LRP1B: variants seen among roughly 807,000 people sequenced by gnomAD.
The protein encoded by LRP1B is LDL receptor related protein 1B.
LRP1B carries 217 observed loss-of-function variants against 556.6 expected under a neutral mutation model. The observed-to-expected ratio is 0.39, with a 90% CI of 0.35 to 0.44. LRP1B has a LOEUF of 0.44. LRP1B is among the 20% of genes least tolerant of loss of function. The probability of loss-of-function intolerance (pLI) is 1.00; values close to 1 mark genes in which losing one functional copy is unlikely to be tolerated. For missense variants in LRP1B, 5,053 were observed against 5,620.8 expected (o/e 0.90, Z 3.23); for synonymous variants, 2,047 against 1,865.8 (o/e 1.10, Z -2.50).
At chr2:141,095,316 T>C (rs1476925627) in intron 7 of LRP1B, among the ~76,000 whole-genome samples, 1 of 77,098 alleles carries the variant, frequency 1.3e-5, no homozygotes, top group Non-Finnish European at 3.4e-5. Context: ...TTATAAGATG[T>C]CAGCCCTAAA....
chr2:142,021,319 C>CAT (rs1355990659), intron 1 of LRP1B, among the ~76,000 whole-genome samples: 6 of 150,888 alleles, frequency 4.0e-5, no homozygotes, highest in Admixed American at 1.3e-4. Flanking sequence ...TGTGTATGTG[C>CAT]GTGTGTGTGT....
intron 1 of LRP1B, among the ~76,000 whole-genome samples, chr2:141,935,552 A>C (rs1190227934): frequency 6.6e-6 from 1 of 152,206 alleles, no homozygotes; most frequent in Non-Finnish European, 1.5e-5. Flanking sequence ...CATATGAAAT[A>C]TGACAATACA....
At chr2:140,307,486 A>G (rs1394048694) in intron 83 of LRP1B, among the ~76,000 whole-genome samples, 3 of 151,620 alleles carry the variant, frequency 2.0e-5, no homozygotes, top group Non-Finnish European at 4.4e-5. Flanking sequence ...TTTTTTCTTG[A>G]TTTTATACTT....
At chr2:140,483,640 A>ATATATTTTTTT (rs1491228405) in intron 59 of LRP1B, among the ~76,000 whole-genome samples, 1 of 70,748 alleles carries the variant, frequency 1.4e-5, no homozygotes, top group African/African-American at 6.4e-5. Context: ...ATATATATAT[A>ATATATTTTTTT]TTTTTTTTTT....
chr2:141,121,675 C>T (rs1430120277), intron 7 of LRP1B, among the ~76,000 whole-genome samples: 1 of 152,068 alleles, frequency 6.6e-6, no homozygotes, highest in Non-Finnish European at 1.5e-5. Flanking sequence ...CCATACTGCC[C>T]AAGGTAATTT....
chr2:140,376,986 A>G (rs1455885496), intron 68 of LRP1B, among the ~76,000 whole-genome samples: 1 of 152,180 alleles, frequency 6.6e-6, no homozygotes, highest in Non-Finnish European at 1.5e-5. Context: ...GGCATTCATG[A>G]GAGGTGAGTA....
intron 7 of LRP1B, among the ~76,000 whole-genome samples, chr2:141,179,735 T>A (rs1257744915): frequency 6.6e-6 from 1 of 151,752 alleles, no homozygotes; most frequent in African/African-American, 2.4e-5. Context: ...TCAGAAAACA[T>A]CCCCTTAATC....
intron 11 of LRP1B, among the ~76,000 whole-genome samples, chr2:141,032,548 T>C (rs540312989): frequency 1.3e-5 from 2 of 152,198 alleles, no homozygotes; most frequent in East Asian, 3.9e-4. Flanking sequence ...AACTATTCTG[T>C]TGATTTACAT....
intron 84 of LRP1B, among the ~76,000 whole-genome samples, chr2:140,280,003 C>G (rs536097360): frequency 1.5e-3 from 227 of 151,674 alleles, no homozygotes; most frequent in Non-Finnish European, 2.7e-3. Context: ...ATGAACTTAC[C>G]TTTGTTGAAG....
At chr2:141,719,892 G>T (rs956298920) in intron 2 of LRP1B, among the ~76,000 whole-genome samples, 9 of 152,092 alleles carry the variant, frequency 5.9e-5, no homozygotes, top group African/African-American at 2.2e-4. Flanking sequence ...TAACCATTGA[G>T]TAATATGCTC....
chr2:140,933,608 T>C (rs1289928621), intron 20 of LRP1B, among the ~76,000 whole-genome samples: 2 of 152,090 alleles, frequency 1.3e-5, no homozygotes, highest in African/African-American at 2.4e-5. Flanking sequence ...ATGCTATTAA[T>C]TATATCTTTA....
At chr2:140,747,480 G>C (rs1688356891) in intron 35 of LRP1B, among the ~76,000 whole-genome samples, 3 of 152,148 alleles carry the variant, frequency 2.0e-5, no homozygotes, top group Admixed American at 1.3e-4. Flanking sequence ...TTATGGTGTA[G>C]CCTCAAAATG....
chr2:140,542,422 T>A lies in LRP1B; in HGVS notation c.7195-451A>T, dbSNP rs147829397. Reference sequence around the variant, plus strand: ...TTCTTTCTTCAGGAAGTTCACCGCATGAGTGACTAAACTAGTTGCACATGT... The same window carrying A: ...TTCTTTCTTCAGGAAGTTCACCGCAAGAGTGACTAAACTAGTTGCACATGT... On this transcript the variant is annotated intron_variant, in intron 43 of 90. Coordinates refer to ENST00000389484, the MANE Select transcript of LRP1B (RefSeq NM_018557.3). Among the ~76,000 whole-genome samples, 542 of 152,182 alleles carry A rather than the reference T, an allele frequency of 3.6e-3. 4 individuals are homozygous for A. The highest frequency in any genetic ancestry group is 0.013 in the African/African-American group (528 of 41,536).
chr2:141,342,907 A>C (rs1231091999), intron 3 of LRP1B, among the ~76,000 whole-genome samples: 1 of 152,130 alleles, frequency 6.6e-6, no homozygotes, highest in East Asian at 1.9e-4. Context: ...GAGCAACCCC[A>C]AGACACGTAA....
chr2:141,221,361 T>G (rs903842141), intron 6 of LRP1B, among the ~76,000 whole-genome samples: 1 of 151,466 alleles, frequency 6.6e-6, no homozygotes, highest in Admixed American at 6.6e-5. Context: ...AAGAGCTAAC[T>G]TTCTGAAATA....
intron 21 of LRP1B, among the ~76,000 whole-genome samples, chr2:140,913,148 C>T (rs1222007631): frequency 6.6e-6 from 1 of 151,690 alleles, no homozygotes; most frequent in Non-Finnish European, 1.5e-5. Flanking sequence ...ATACTACTAA[C>T]CTTTAGTGTT....
intron 45 of LRP1B, 73 bp from the exon 46 acceptor site, chr2:140,536,782 T>C: frequency 8.8e-7 from 1 of 1,135,788 alleles, no homozygotes; most frequent in Non-Finnish European, 1.2e-6. Flanking sequence ...ACAATTATTT[T>C]TCTTAATTTT....
intron 18 of LRP1B, among the ~76,000 whole-genome samples, chr2:140,952,332 C>T (rs182765716): frequency 4.6e-5 from 7 of 152,048 alleles, no homozygotes; most frequent in African/African-American, 1.4e-4. Flanking sequence ...TAGTGGAAGG[C>T]CTTTTCTGAA....
intron 2 of LRP1B, among the ~76,000 whole-genome samples, chr2:141,652,250 T>C (rs1689822473): frequency 6.6e-6 from 1 of 152,202 alleles, no homozygotes; most frequent in African/African-American, 2.4e-5. Flanking sequence ...AAGAGAAATA[T>C]TGAAACAGAA....
Sources: gnomAD v4.1 joint callset for allele counts (sites outside exome capture counted in the v4.1 genomes callset) on GRCh38, gnomAD v4.1.1 for gene constraint, MANE v1.5 for transcripts, NCBI Gene and HGNC (gene_info 2026-07-23, HGNC 2026-07-21) for gene names.